The following ARHGEF9 variants were observed in gnomAD, a reference collection of about 807,000 sequenced individuals.
ARHGEF9 encodes rho guanine nucleotide exchange factor 9.
A neutral mutation model predicts 41.3 loss-of-function variants in ARHGEF9; 2 were observed. The ratio of observed to expected loss-of-function variants is 0.05; its 90% CI spans 0.02 to 0.15. The LOEUF (loss-of-function observed/expected upper bound fraction) is 0.15. Ranked by LOEUF, ARHGEF9 falls within the 10% of genes least tolerant of loss-of-function variation. ARHGEF9 has a pLI of 1.00. For missense variants in ARHGEF9, 225 were observed against 424.7 expected (o/e 0.53, Z 4.13); for synonymous variants, 160 against 154.4 (o/e 1.04, Z -0.27).
chrX:63,730,749 T>C (rs1556419595), intron 1 of ARHGEF9, among the ~76,000 whole-genome samples: 1 of 111,848 alleles, frequency 8.9e-6, no homozygotes, highest in Non-Finnish European at 1.9e-5. Context: ...CCACACCATA[T>C]GTTGTGCTCC....
intron 8 of ARHGEF9, among the ~76,000 whole-genome samples, chrX:63,655,162 G>A (rs1321861172): frequency 1.8e-5 from 2 of 112,077 alleles, no homozygotes; most frequent in Non-Finnish European, 3.8e-5. Context: ...ATGACAGAGA[G>A]CTCAGGCTTT....
chrX:63,673,911 T>G, intron 6 of ARHGEF9, 127 bp downstream of exon 6: 10 of 888,136 alleles, frequency 1.1e-5, no homozygotes, highest in South Asian at 2.4e-5. Context: ...AATTTTACCT[T>G]GAGTCTAATC....
At chrX:63,687,908 G>A (rs1412699262) in intron 4 of ARHGEF9, among the ~76,000 whole-genome samples, 1 of 110,609 alleles carries the variant, frequency 9.0e-6, no homozygotes, top group Non-Finnish European at 1.9e-5. Flanking sequence ...GCTTTAAAGA[G>A]GATGTTGAGA....
chrX:63,696,485 T>A (rs1556388180), intron 4 of ARHGEF9, among the ~76,000 whole-genome samples: 1 of 111,444 alleles, frequency 9.0e-6, no homozygotes, highest in Non-Finnish European at 1.9e-5. Context: ...ATCGTCACTA[T>A]CCTGTTTCCC....
chrX:63,647,001 G>A, intron 8 of ARHGEF9, among the ~76,000 whole-genome samples: 1 of 111,371 alleles, frequency 9.0e-6, no homozygotes, highest in Non-Finnish European at 1.9e-5. Context: ...AATTGTGAAT[G>A]GGAGTTCACT....
intron 1 of ARHGEF9, among the ~76,000 whole-genome samples, chrX:63,760,535 GC>G (rs1164590855): frequency 1.8e-5 from 2 of 111,883 alleles, no homozygotes; most frequent in African/African-American, 6.5e-5. Flanking sequence ...AATCAGTGAT[GC>G]ACATAATTTC....
At chrX:63,724,890 C>T (rs1454017932) in intron 1 of ARHGEF9, 179 bp from the exon 2 acceptor site, 1 of 472,477 alleles carries the variant, frequency 2.1e-6, no homozygotes, top group Non-Finnish European at 3.7e-6. Context: ...ACAATACTGT[C>T]AACTCTCTGT....
intron 1 of ARHGEF9, among the ~76,000 whole-genome samples, chrX:63,768,625 A>G (rs1335763436): frequency 8.9e-6 from 1 of 112,110 alleles, no homozygotes; most frequent in Admixed American, 9.5e-5. Flanking sequence ...GGCAAATTTT[A>G]CCTTTAATTG....
In ARHGEF9 at chrX:63,643,363, T is replaced by C. The variant is rs1162460434; in HGVS notation, c.1390+617A>G. 8.4e-5 allele frequency among the ~76,000 whole-genome samples: 9 copies of C among 107,432 alleles called. No individual in the cohort carries two copies. In the Admixed American group the frequency reaches 8.9e-4, roughly 11 times the overall value. The allele number at this position is 107,432 out of a possible 115,157, so 93.3% of individuals were successfully genotyped here. On this transcript the variant is annotated intron_variant, in intron 9 of 9. Coordinates refer to ENST00000671741, the MANE Select transcript of ARHGEF9 (RefSeq NM_001353921.2). Reference sequence around the variant, plus strand: ...AAAGCTGAGCAATATCTTTATACTTTTTTTTTTTTTTTTTGAGATGTAGTC... The same window carrying C: ...AAAGCTGAGCAATATCTTTATACTTCTTTTTTTTTTTTTTGAGATGTAGTC...
At chrX:63,677,966 C>G (rs1276191354) in intron 5 of ARHGEF9, among the ~76,000 whole-genome samples, 1 of 111,991 alleles carries the variant, frequency 8.9e-6, no homozygotes, top group Non-Finnish European at 1.9e-5. Flanking sequence ...TTGGGGCTAA[C>G]TTTCAGACCC....
At chrX:63,655,832 GT>G in intron 7 of ARHGEF9, 95 bp from the exon 8 acceptor site, 1 of 1,082,601 alleles carries the variant, frequency 9.2e-7, no homozygotes, top group Non-Finnish European at 1.3e-6. Flanking sequence ...CACTGTCACC[GT>G]TTTGAAGTAC....
chrX:63,667,616 G>A (rs1456635282), intron 6 of ARHGEF9, among the ~76,000 whole-genome samples: 1 of 110,772 alleles, frequency 9.0e-6, no homozygotes, highest in Non-Finnish European at 1.9e-5. Context: ...TAGAAATGGT[G>A]TATTCGAGCA....
intron 1 of ARHGEF9, among the ~76,000 whole-genome samples, chrX:63,727,845 T>G (rs1332567255): frequency 8.9e-6 from 1 of 112,071 alleles, no homozygotes; most frequent in Non-Finnish European, 1.9e-5. Context: ...TAGCTGAAGC[T>G]CAAAGAAGTT....
At chrX:63,784,582 G>A (rs2056431202) in intron 1 of ARHGEF9, among the ~76,000 whole-genome samples, 1 of 111,735 alleles carries the variant, frequency 8.9e-6, no homozygotes, top group Admixed American at 9.4e-5. Flanking sequence ...GCAGCTTCCT[G>A]AGAGAGAGAG....
intron 1 of ARHGEF9, among the ~76,000 whole-genome samples, chrX:63,779,846 A>T (rs1176353726): frequency 9.0e-6 from 1 of 111,552 alleles, no homozygotes; most frequent in East Asian, 2.8e-4. Context: ...TTGTCTCCCA[A>T]AAACATCGTT....
At chrX:63,708,557 C>T (rs1186118947) in intron 2 of ARHGEF9, among the ~76,000 whole-genome samples, 1 of 111,619 alleles carries the variant, frequency 9.0e-6, no homozygotes, top group Non-Finnish European at 1.9e-5. Flanking sequence ...AAAACAGATT[C>T]CTTATAAAGA....
At chrX:63,778,256 T>C (rs1452376955) in intron 1 of ARHGEF9, among the ~76,000 whole-genome samples, 1 of 112,526 alleles carries the variant, frequency 8.9e-6, no homozygotes, top group Non-Finnish European at 1.9e-5. Context: ...TTGGGGCTTG[T>C]ACCCTCTGAA....
At chrX:63,719,856 C>T (rs1187155719) in intron 2 of ARHGEF9, 2 of 291,755 alleles carry the variant, frequency 6.9e-6, no homozygotes, top group African/African-American at 5.5e-5. Context: ...GCTGTGGCTG[C>T]CTTTGTTGAA....
chrX:63,689,926 A>C (rs1181736339), intron 4 of ARHGEF9, among the ~76,000 whole-genome samples: 5 of 112,305 alleles, frequency 4.5e-5, no homozygotes, highest in Non-Finnish European at 9.4e-5. Context: ...TCTTTTAAAA[A>C]ATAGAAATTT....
Sources: gnomAD v4.1 joint callset for allele counts (sites outside exome capture counted in the v4.1 genomes callset) on GRCh38, gnomAD v4.1.1 for gene constraint, MANE v1.5 for transcripts, NCBI Gene and HGNC (gene_info 2026-07-23, HGNC 2026-07-21) for gene names.